PDCD1LG2: variants seen among roughly 807,000 people sequenced by gnomAD.
PDCD1LG2 encodes programmed cell death 1 ligand 2.
PDCD1LG2 carries 32 observed loss-of-function variants against 28.2 expected under a neutral mutation model. The ratio of observed to expected loss-of-function variants is 1.13; its 90% CI spans 0.86 to 1.52. The LOEUF is 1.52. Among genes scored for constraint, PDCD1LG2 ranks in the 40% most tolerant of loss-of-function variants. The probability of loss-of-function intolerance (pLI) is 0.00; values close to 1 mark genes in which losing one functional copy is unlikely to be tolerated. For synonymous variants in PDCD1LG2, 116 were observed against 120.2 expected (o/e 0.97, Z 0.23); for missense variants, 385 against 323.8 (o/e 1.19, Z -1.45).
At chr9:5,525,345 AAAAAAAAAAAAAAG>A (rs890145138) in intron 2 of PDCD1LG2, among the ~76,000 whole-genome samples, 3 of 41,716 alleles carry the variant, frequency 7.2e-5, no homozygotes, top group African/African-American at 2.4e-4. Context: ...ATTCCATTTA[AAAAAAAAAAAAAAG>A]AAAAAAAAAC....
intron 4 of PDCD1LG2, among the ~76,000 whole-genome samples, chr9:5,551,096 A>T (rs1816323047): frequency 1.3e-5 from 2 of 152,132 alleles, no homozygotes; most frequent in African/African-American, 4.8e-5. Flanking sequence ...TGATCTTCCC[A>T]TCTCAAGGTC....
intron 3 of PDCD1LG2, among the ~76,000 whole-genome samples, chr9:5,543,305 C>T (rs948217013): frequency 2.0e-5 from 3 of 151,958 alleles, no homozygotes; most frequent in South Asian, 2.1e-4. Context: ...TTTGGGAGGC[C>T]GAGGTGGGCA....
intron 5 of PDCD1LG2, among the ~76,000 whole-genome samples, chr9:5,560,530 G>T (rs1816537900): frequency 6.6e-6 from 1 of 152,152 alleles, no homozygotes; most frequent in South Asian, 2.1e-4. Flanking sequence ...CTCTGTCATT[G>T]GTCCCAAAGC....
intron 3 of PDCD1LG2, among the ~76,000 whole-genome samples, chr9:5,541,515 T>C (rs1222214211): frequency 1.3e-5 from 2 of 152,164 alleles, no homozygotes; most frequent in African/African-American, 4.8e-5. Flanking sequence ...AGTTTCAGGA[T>C]ACAAAATTAA....
chr9:5,544,369 G>A (rs558049872), intron 3 of PDCD1LG2, among the ~76,000 whole-genome samples: 13 of 152,294 alleles, frequency 8.5e-5, no homozygotes, highest in Admixed American at 7.8e-4. Context: ...GAACCCAGTG[G>A]GCCTGTCCAT....
chr9:5,546,141 T>C (rs1816201292), intron 3 of PDCD1LG2, among the ~76,000 whole-genome samples: 1 of 152,166 alleles, frequency 6.6e-6, no homozygotes, highest in Middle Eastern at 3.2e-3. Context: ...GAGCTCTCTC[T>C]CTGTCTCCCT....
At chr9:5,520,792 GATAA>G (rs538007729) in intron 1 of PDCD1LG2, among the ~76,000 whole-genome samples, 99 of 152,228 alleles carry the variant, frequency 6.5e-4, no homozygotes, top group Non-Finnish European at 1.1e-3. Flanking sequence ...TCATATATTT[GATAA>G]ATAGTTTGGC....
At chr9:5,567,390 G>C (rs1816686995) in intron 6 of PDCD1LG2, among the ~76,000 whole-genome samples, 1 of 152,212 alleles carries the variant, frequency 6.6e-6, no homozygotes, top group Admixed American at 6.5e-5. Context: ...TCCATTTGTG[G>C]AAGTTGTTCT....
chr9:5,553,401 G>T (rs539101717), intron 4 of PDCD1LG2, among the ~76,000 whole-genome samples: 1 of 152,082 alleles, frequency 6.6e-6, no homozygotes, highest in East Asian at 1.9e-4. Flanking sequence ...TTCAACTGTC[G>T]TTCGTTATAT....
At chr9:5,562,292 G>A (rs1016301098) in intron 5 of PDCD1LG2, among the ~76,000 whole-genome samples, 2 of 152,168 alleles carry the variant, frequency 1.3e-5, no homozygotes, top group African/African-American at 4.8e-5. Context: ...ATACACCATG[G>A]AATACTACTC....
chr9:5,567,588 C>A (rs957181776), intron 6 of PDCD1LG2, among the ~76,000 whole-genome samples: 1 of 152,158 alleles, frequency 6.6e-6, no homozygotes, highest in Non-Finnish European at 1.5e-5. Context: ...ATCCTAGCTA[C>A]CTCATTTCAC....
intron 5 of PDCD1LG2, among the ~76,000 whole-genome samples, chr9:5,559,070 T>A (rs375569872): frequency 3.3e-5 from 5 of 152,258 alleles, no homozygotes; most frequent in African/African-American, 1.2e-4. Flanking sequence ...CTTAATAACT[T>A]CAGAAATGAG....
chr9:5,520,241 C>T (rs1820247890), intron 1 of PDCD1LG2, among the ~76,000 whole-genome samples: 1 of 152,154 alleles, frequency 6.6e-6, no homozygotes, highest in South Asian at 2.1e-4. Context: ...ATAGGATAGA[C>T]ATATAGTTCA....
Position 5,571,012 on chromosome 9 carries a change from A to T in PDCD1LG2, c.*1053A>T, listed in dbSNP as rs1281968001. On this transcript the variant is annotated 3_prime_UTR_variant, in exon 7 of 7. Transcript: ENST00000397747. ...TAATTTTGTTAAATTTGTTCTTTAT[A>T]CTGGAGCCATGAAGCTCAGAGCATT... is the stretch of plus-strand genomic sequence containing the variant. 2 of 232,584 alleles carry T rather than the reference A, an allele frequency of 8.6e-6. No homozygotes were observed. Among genetic ancestry groups the T allele is most frequent in the Non-Finnish European group, 1.7e-5 (2 of 117,686 alleles). The allele number at this position is 232,584 out of a possible 1,614,324, so 14.4% of individuals were successfully genotyped here.
At chr9:5,529,811 A>G (rs904418189) in intron 2 of PDCD1LG2, among the ~76,000 whole-genome samples, 8 of 152,206 alleles carry the variant, frequency 5.3e-5, no homozygotes, top group African/African-American at 1.4e-4. Flanking sequence ...GACTGCTGAG[A>G]TAAACAAAGG....
intron 1 of PDCD1LG2, among the ~76,000 whole-genome samples, chr9:5,514,772 GAA>G (rs60002651): frequency 0.019 from 1,204 of 62,410 alleles, 13 homozygotes; most frequent in African/African-American, 0.055. Flanking sequence ...AGTCTCTAAA[GAA>G]AAAAAAAAAA....
At chr9:5,564,217 T>G (rs1816621148) in intron 6 of PDCD1LG2, among the ~76,000 whole-genome samples, 1 of 152,240 alleles carries the variant, frequency 6.6e-6, no homozygotes. Context: ...TGTTCATGCA[T>G]GAACATGCCA....
intron 3 of PDCD1LG2, among the ~76,000 whole-genome samples, chr9:5,542,936 C>T (rs766529306): frequency 4.6e-5 from 7 of 152,012 alleles, no homozygotes; most frequent in East Asian, 1.9e-4. Flanking sequence ...AGCCCAAATG[C>T]CCATCAATCA....
At position 5,570,687 on chromosome 9, in the gene PDCD1LG2, C is replaced by A. The variant is rs947949201; in HGVS notation, c.*728C>A. ...TCTTTCCTTTAAAAATTATTGGTTT[C>A]TTTTTATTTGTTTTTACCTTAGAAA... On this transcript the variant is annotated 3_prime_UTR_variant, in exon 7 of 7. Transcript: ENST00000397747. The A allele has an allele frequency of 1.7e-5, 4 of 230,482 alleles. No individual in the cohort carries two copies. Among genetic ancestry groups the A allele is most frequent in the Admixed American group, 5.7e-5 (1 of 17,696 alleles). 14.3% of individuals were successfully genotyped at this position (230,482 alleles called of 1,614,324 possible).
Sources: gnomAD v4.1 joint callset for allele counts (sites outside exome capture counted in the v4.1 genomes callset) on GRCh38, gnomAD v4.1.1 for gene constraint, MANE v1.5 for transcripts, NCBI Gene and HGNC (gene_info 2026-07-23, HGNC 2026-07-21) for gene names.